STAG1: variants seen among roughly 807,000 people sequenced by gnomAD.
The protein encoded by STAG1 is STAG1 cohesin complex component.
STAG1 carries 26 observed loss-of-function variants against 170.9 expected under a neutral mutation model. That is an observed-to-expected ratio of 0.15 (90% CI 0.11 to 0.21). The LOEUF (loss-of-function observed/expected upper bound fraction) is 0.21. Among genes scored for constraint, STAG1 ranks in the 10% least tolerant of loss-of-function variants. STAG1 has a pLI of 1.00. For missense variants in STAG1, 964 were observed against 1,509.5 expected, an observed-to-expected ratio of 0.64 and a Z score of 5.99; for synonymous variants, 514 against 497.7, an observed-to-expected ratio of 1.03 and a Z score of -0.44.
chr3:136,512,184 T>C (rs543107816), intron 7 of STAG1, among the ~76,000 whole-genome samples: 1 of 149,392 alleles, frequency 6.7e-6, no homozygotes, highest in African/African-American at 2.5e-5. Context: ...GGCACATGCC[T>C]GTAGTCCCAG....
At chr3:136,636,098 A>AT (rs1940543520) in intron 1 of STAG1, among the ~76,000 whole-genome samples, 1 of 152,102 alleles carries the variant, frequency 6.6e-6, no homozygotes, top group African/African-American at 2.4e-5. Flanking sequence ...AAATACAAAA[A>AT]TTAGCCAGCC....
chr3:136,701,824 T>A (rs1256489021), intron 1 of STAG1, among the ~76,000 whole-genome samples: 1 of 152,176 alleles, frequency 6.6e-6, no homozygotes, highest in Non-Finnish European at 1.5e-5. Flanking sequence ...ATCACAAAAT[T>A]ATCAAGAGCT....
chr3:136,402,776 G>A (rs1252629002), intron 21 of STAG1, among the ~76,000 whole-genome samples: 2 of 151,840 alleles, frequency 1.3e-5, no homozygotes, highest in African/African-American at 2.4e-5. Flanking sequence ...GCAGTGAGTC[G>A]AGATCATGCC....
chr3:136,346,456 T>C (rs1401135381), intron 29 of STAG1, among the ~76,000 whole-genome samples: 1 of 152,256 alleles, frequency 6.6e-6, no homozygotes, highest in Non-Finnish European at 1.5e-5. Flanking sequence ...ATCTTAGTCA[T>C]TTTGTAAATC....
At chr3:136,539,529 T>G (rs1194201443) in intron 6 of STAG1, among the ~76,000 whole-genome samples, 1 of 152,188 alleles carries the variant, frequency 6.6e-6, no homozygotes, top group Non-Finnish European at 1.5e-5. Context: ...AAGTCATACT[T>G]AAAACATATG....
At chr3:136,413,209 T>C (rs2087675677) in intron 21 of STAG1, among the ~76,000 whole-genome samples, 1 of 148,290 alleles carries the variant, frequency 6.7e-6, no homozygotes, top group Non-Finnish European at 1.5e-5. Context: ...AACACACACA[T>C]TATATATTAT....
intron 3 of STAG1, among the ~76,000 whole-genome samples, chr3:136,616,422 C>A (rs749995537): frequency 1.3e-5 from 2 of 152,004 alleles, no homozygotes; most frequent in Non-Finnish European, 2.9e-5. Context: ...GAAGTCAGAA[C>A]TAAAAACTAG....
intron 16 of STAG1, among the ~76,000 whole-genome samples, chr3:136,429,504 T>C (rs1446472360): frequency 6.6e-6 from 1 of 152,218 alleles, no homozygotes; most frequent in African/African-American, 2.4e-5. Flanking sequence ...AAGAAAATGC[T>C]GAAGAAGGGG....
intron 9 of STAG1, among the ~76,000 whole-genome samples, chr3:136,485,134 C>G (rs1037291197): frequency 1.4e-4 from 22 of 152,174 alleles, no homozygotes; most frequent in South Asian, 4.1e-4. Flanking sequence ...TTTCATCAAT[C>G]TAGACATTTA....
intron 7 of STAG1, among the ~76,000 whole-genome samples, chr3:136,519,644 A>AG (rs1934570168): frequency 6.6e-6 from 1 of 152,110 alleles, no homozygotes; most frequent in Non-Finnish European, 1.5e-5. Context: ...TATAAAGAAA[A>AG]GAAAAAAAGC....
intron 21 of STAG1, among the ~76,000 whole-genome samples, chr3:136,404,636 T>G (rs1410454109): frequency 6.6e-6 from 1 of 152,216 alleles, no homozygotes; most frequent in East Asian, 1.9e-4. Context: ...GTCCCTTTCC[T>G]TAATAGTTCT....
At chr3:136,397,356 G>A (rs2087193995) in intron 22 of STAG1, among the ~76,000 whole-genome samples, 1 of 152,096 alleles carries the variant, frequency 6.6e-6, no homozygotes, top group African/African-American at 2.4e-5. Context: ...ATTCTTTAAG[G>A]CAAGTTCCTT....
At chr3:136,719,086 A>C (rs1933043464) in intron 1 of STAG1, among the ~76,000 whole-genome samples, 1 of 152,242 alleles carries the variant, frequency 6.6e-6, no homozygotes, top group Non-Finnish European at 1.5e-5. Context: ...GTCTACACCA[A>C]GACTTGTAAA....
At chr3:136,612,448 A>C (rs758411090) in intron 3 of STAG1, among the ~76,000 whole-genome samples, 1 of 152,196 alleles carries the variant, frequency 6.6e-6, no homozygotes, top group Non-Finnish European at 1.5e-5. Flanking sequence ...TCTACAAAAA[A>C]ATAAAAAAAT....
At chr3:136,432,290 T>C (rs2088326262) in intron 16 of STAG1, among the ~76,000 whole-genome samples, 1 of 152,190 alleles carries the variant, frequency 6.6e-6, no homozygotes, top group African/African-American at 2.4e-5. Flanking sequence ...CTTGTTTTCA[T>C]ATTTTCCTGT....
At chr3:136,632,381 T>C (rs1940364847) in intron 1 of STAG1, among the ~76,000 whole-genome samples, 2 of 152,184 alleles carry the variant, frequency 1.3e-5, no homozygotes, top group African/African-American at 4.8e-5. Context: ...TTTTGCTTAC[T>C]TGCCTACCAT....
intron 1 of STAG1, among the ~76,000 whole-genome samples, chr3:136,714,278 T>G (rs1253654263): frequency 6.6e-6 from 1 of 151,938 alleles, no homozygotes; most frequent in Admixed American, 6.6e-5. Context: ...AATAAAGACT[T>G]AGGGTGTGAA....
intron 1 of STAG1, among the ~76,000 whole-genome samples, chr3:136,682,659 C>A (rs992872329): frequency 6.6e-6 from 1 of 151,758 alleles, no homozygotes; most frequent in Non-Finnish European, 1.5e-5. Context: ...AAATAAAATA[C>A]CTCGGAATAA....
intron 23 of STAG1, among the ~76,000 whole-genome samples, chr3:136,373,350 C>T (rs1227158474): frequency 6.6e-6 from 1 of 152,146 alleles, no homozygotes; most frequent in East Asian, 1.9e-4. Context: ...CTATTTCCTT[C>T]AGTTCTGCTC....
Sources: allele counts gnomAD v4.1 joint callset (sites outside exome capture counted in the v4.1 genomes callset), GRCh38; gene constraint gnomAD v4.1.1; transcripts MANE v1.5; gene names NCBI Gene and HGNC (gene_info 2026-07-23, HGNC 2026-07-21).